The following NTM variants were observed in gnomAD, a reference collection of about 807,000 sequenced individuals.
NTM encodes the protein IgLON family member 2.
A neutral mutation model predicts 42.1 loss-of-function variants in NTM; 13 were observed. That is an observed-to-expected ratio of 0.31 (90% CI 0.20 to 0.49). NTM has a LOEUF of 0.49. Ranked by LOEUF, NTM falls within the 20% of genes least tolerant of loss-of-function variation. NTM has a pLI of 0.99. For synonymous variants in NTM, 187 were observed against 179.2 expected, an observed-to-expected ratio of 1.04 and a Z score of -0.35; for missense variants, 373 against 452.8, an observed-to-expected ratio of 0.82 and a Z score of 1.60.
intron 4 of NTM, among the ~76,000 whole-genome samples, chr11:132,230,761 C>T (rs1222677424): frequency 6.6e-6 from 1 of 152,188 alleles, no homozygotes; most frequent in Admixed American, 6.5e-5. Context: ...TGGTGGCGCA[C>T]ACCTGTAATC....
chr11:131,745,000 G>A (rs73593033), intron 1 of NTM, among the ~76,000 whole-genome samples: 1 of 152,216 alleles, frequency 6.6e-6, no homozygotes, highest in East Asian at 1.9e-4. Flanking sequence ...GTTAGACAGA[G>A]CTGCAAATGG....
intron 2 of NTM, among the ~76,000 whole-genome samples, chr11:132,117,831 T>C (rs1394671173): frequency 6.6e-6 from 1 of 152,218 alleles, no homozygotes; most frequent in Non-Finnish European, 1.5e-5. Context: ...TAAATGAGCA[T>C]TGTACAGAAT....
At chr11:131,478,116 G>A (rs569659829) in intron 1 of NTM, among the ~76,000 whole-genome samples, 1 of 152,178 alleles carries the variant, frequency 6.6e-6, no homozygotes, top group African/African-American at 2.4e-5. Flanking sequence ...ATCTTTCAGG[G>A]CAAGTATTTT....
chr11:131,977,589 T>C (rs144874995), intron 2 of NTM, among the ~76,000 whole-genome samples: 3 of 152,350 alleles, frequency 2.0e-5, no homozygotes, highest in East Asian at 3.9e-4. Flanking sequence ...TAATCCTGAA[T>C]GTATAAAGCC....
At chr11:132,041,588 G>A (rs532837903) in intron 2 of NTM, among the ~76,000 whole-genome samples, 5 of 152,076 alleles carry the variant, frequency 3.3e-5, no homozygotes, top group Non-Finnish European at 5.9e-5. Context: ...TCTCTCAGTG[G>A]GTATGAACGT....
chr11:132,073,094 G>T (rs142307493), intron 2 of NTM, among the ~76,000 whole-genome samples: 1 of 152,150 alleles, frequency 6.6e-6, no homozygotes, highest in Non-Finnish European at 1.5e-5. Flanking sequence ...TGTCCTGTGG[G>T]CTGCTGGGGC....
chr11:131,477,599 CACCCTGTTCTCCTTACTCTCTTCT>C (rs1953090025), intron 1 of NTM, among the ~76,000 whole-genome samples: 1 of 151,832 alleles, frequency 6.6e-6, no homozygotes, highest in Non-Finnish European at 1.5e-5. Context: ...AAATCATATC[CACCCTGTTCTCCTTACTCTCTTCT>C]ACCTCCCTGA....
chr11:131,610,344 C>T (rs559099246), intron 1 of NTM, among the ~76,000 whole-genome samples: 1 of 152,266 alleles, frequency 6.6e-6, no homozygotes, highest in South Asian at 2.1e-4. Flanking sequence ...ACTGCTGAAC[C>T]AGAAGAGGAA....
At chr11:132,035,377 CTTT>C (rs2076389358) in intron 2 of NTM, among the ~76,000 whole-genome samples, 2 of 152,216 alleles carry the variant, frequency 1.3e-5, no homozygotes, top group Non-Finnish European at 2.9e-5. Flanking sequence ...TGTCATGCTT[CTTT>C]GTTTCCTCTC....
intron 1 of NTM, among the ~76,000 whole-genome samples, chr11:131,787,648 T>G (rs2089492319): frequency 6.6e-6 from 1 of 152,106 alleles, no homozygotes; most frequent in Admixed American, 6.5e-5. Context: ...CCTCCCAAAG[T>G]GCTGGGATTG....
intron 1 of NTM, among the ~76,000 whole-genome samples, chr11:131,818,715 A>G (rs1003303233): frequency 1.3e-5 from 2 of 152,186 alleles, no homozygotes; most frequent in African/African-American, 4.8e-5. Context: ...GGCTGGAGAT[A>G]ATGAATGTGA....
intron 1 of NTM, among the ~76,000 whole-genome samples, chr11:131,645,098 T>G (rs922948037): frequency 2.6e-5 from 4 of 152,146 alleles, no homozygotes; most frequent in African/African-American, 9.7e-5. Flanking sequence ...CTATTTTAAG[T>G]GCATTATTTA....
At chr11:132,178,654 T>G (rs576804740) in intron 3 of NTM, among the ~76,000 whole-genome samples, 53 of 152,360 alleles carry the variant, frequency 3.5e-4, no homozygotes, top group African/African-American at 1.1e-3. Flanking sequence ...GTGTATTTTT[T>G]GGGATCAACT....
At chr11:132,072,729 G>A (rs979899145) in intron 2 of NTM, among the ~76,000 whole-genome samples, 5 of 152,084 alleles carry the variant, frequency 3.3e-5, no homozygotes, top group East Asian at 1.9e-4. Flanking sequence ...GGAGAGTGCC[G>A]TGTACACAGA....
At position 132,320,895 on chromosome 11, in the gene NTM, G is replaced by A. The variant is rs564977731; in HGVS notation, c.934+6192G>A. ...TGACCCCCGAGCAGCCTAACTGGGA[G>A]GCACCCCCCAGCAGGGCCACACTGA... On this transcript the variant is annotated intron_variant, in intron 7 of 8. Coordinates refer to ENST00000683400, the MANE Select transcript of NTM (RefSeq NM_001352005.2). Among the ~76,000 whole-genome samples, 327 of 151,398 alleles carry A rather than the reference G, an allele frequency of 2.2e-3. 1 individual carries two copies. Among genetic ancestry groups the A allele is most frequent in the Admixed American group, 6.4e-3 (97 of 15,062 alleles).
intron 5 of NTM, 95 bp from the exon 6 acceptor site, chr11:132,310,017 C>G (rs762412439): frequency 1.3e-4 from 187 of 1,432,498 alleles, no homozygotes; most frequent in Non-Finnish European, 1.7e-4. Flanking sequence ...GATCATGCCA[C>G]TGCATTCCAG....
chr11:131,822,210 T>A (rs2093218554), intron 1 of NTM, among the ~76,000 whole-genome samples: 2 of 152,130 alleles, frequency 1.3e-5, no homozygotes, highest in South Asian at 4.2e-4. Flanking sequence ...GTTTCCATCT[T>A]TATCCACTCC....
chr11:132,205,312 T>G (rs2081823635), intron 3 of NTM, among the ~76,000 whole-genome samples: 1 of 152,204 alleles, frequency 6.6e-6, no homozygotes, highest in Admixed American at 6.5e-5. Context: ...GATTTGGATT[T>G]AATAGGATAT....
At chr11:131,718,610 C>G (rs989785645) in intron 1 of NTM, among the ~76,000 whole-genome samples, 1 of 152,124 alleles carries the variant, frequency 6.6e-6, no homozygotes, top group African/African-American at 2.4e-5. Flanking sequence ...TTTGCCCGGC[C>G]TTTGGGAAGT....
Sources: gnomAD v4.1 joint callset for allele counts (sites outside exome capture counted in the v4.1 genomes callset) on GRCh38, gnomAD v4.1.1 for gene constraint, MANE v1.5 for transcripts, NCBI Gene and HGNC (gene_info 2026-07-23, HGNC 2026-07-21) for gene names.